The following ACOXL variants were observed in gnomAD, a reference collection of about 807,000 sequenced individuals.
The protein encoded by ACOXL is acyl-coenzyme A oxidase-like protein.
In ACOXL, 70 loss-of-function variants were observed where a neutral mutation model predicts 71.9. The ratio of observed to expected loss-of-function variants is 0.97; its 90% CI spans 0.80 to 1.19. The LOEUF (loss-of-function observed/expected upper bound fraction) is 1.19. Among genes scored for constraint, ACOXL ranks in the 50% most tolerant of loss-of-function variants. The probability of loss-of-function intolerance (pLI) is 0.00; values close to 1 mark genes in which losing one functional copy is unlikely to be tolerated. For missense variants in ACOXL, 703 were observed against 736.3 expected, an observed-to-expected ratio of 0.95 and a Z score of 0.52; for synonymous variants, 253 against 281.6, an observed-to-expected ratio of 0.90 and a Z score of 1.02.
intron 17 of ACOXL, chr2:111,093,568 A>G (rs1226748392): frequency 6.2e-7 from 1 of 1,609,766 alleles, no homozygotes; most frequent in African/African-American, 1.3e-5. Context: ...AAACCACTTT[A>G]AAAACATAAA....
At chr2:110,746,247 C>T (rs1415954590) in intron 1 of ACOXL, among the ~76,000 whole-genome samples, 1 of 152,138 alleles carries the variant, frequency 6.6e-6, no homozygotes, top group Non-Finnish European at 1.5e-5. Context: ...GGAACATATG[C>T]AAACCTCTGT....
intron 11 of ACOXL, among the ~76,000 whole-genome samples, chr2:110,910,184 A>G (rs1410170843): frequency 6.6e-6 from 1 of 152,168 alleles, no homozygotes; most frequent in Non-Finnish European, 1.5e-5. Flanking sequence ...TCTGATTTCT[A>G]TTCCCAATAG....
intron 11 of ACOXL, among the ~76,000 whole-genome samples, chr2:110,916,983 G>C (rs2059885500): frequency 6.6e-6 from 1 of 152,210 alleles, no homozygotes; most frequent in African/African-American, 2.4e-5. Context: ...GAGGTACAAA[G>C]AGGCGCTGGT....
intron 10 of ACOXL, among the ~76,000 whole-genome samples, chr2:110,852,685 G>A (rs1185821276): frequency 6.6e-6 from 1 of 152,230 alleles, no homozygotes; most frequent in Admixed American, 6.5e-5. Flanking sequence ...TGGAGGGGCA[G>A]CACAAACCCT....
At chr2:110,937,749 AAT>A (rs2060718095) in intron 12 of ACOXL, among the ~76,000 whole-genome samples, 1 of 152,158 alleles carries the variant, frequency 6.6e-6, no homozygotes, top group Admixed American at 6.5e-5. Context: ...GCTTCAAAAA[AAT>A]ATATTTCAAC....
At chr2:110,768,734 A>G (rs756711411) in intron 2 of ACOXL, among the ~76,000 whole-genome samples, 22 of 151,992 alleles carry the variant, frequency 1.4e-4, no homozygotes, top group African/African-American at 2.4e-4. Context: ...CGCCGCGCCT[A>G]TTGATTTCTT....
chr2:111,061,371 GT>G (rs781209662), intron 16 of ACOXL, among the ~76,000 whole-genome samples: 11 of 152,110 alleles, frequency 7.2e-5, no homozygotes, highest in Non-Finnish European at 1.0e-4. Context: ...CATTTTTAAA[GT>G]GTTAGAAAAA....
intron 16 of ACOXL, among the ~76,000 whole-genome samples, chr2:111,066,887 A>G (rs1233539000): frequency 1.3e-5 from 2 of 152,186 alleles, no homozygotes; most frequent in Non-Finnish European, 2.9e-5. Flanking sequence ...TATACATAAA[A>G]CAAGACACAA....
chr2:111,041,438 G>A (rs2065777468), intron 15 of ACOXL, among the ~76,000 whole-genome samples: 1 of 152,192 alleles, frequency 6.6e-6, no homozygotes, highest in Non-Finnish European at 1.5e-5. Flanking sequence ...AGTGGTGGTT[G>A]TGATGGCCTC....
At chr2:110,952,937 T>A (rs557625533) in intron 12 of ACOXL, among the ~76,000 whole-genome samples, 1 of 152,384 alleles carries the variant, frequency 6.6e-6, no homozygotes, top group South Asian at 2.1e-4. Flanking sequence ...TTATTGATTC[T>A]AAATTTATTT....
At chr2:110,769,266 A>AAAG (rs1681559158) in intron 2 of ACOXL, among the ~76,000 whole-genome samples, 9 of 146,168 alleles carry the variant, frequency 6.2e-5, no homozygotes, top group African/African-American at 2.1e-4. Context: ...AAGAAAGAAA[A>AAAG]AAATACATGA....
chr2:111,001,353 C>T (rs1215067119), intron 14 of ACOXL, among the ~76,000 whole-genome samples: 2 of 151,892 alleles, frequency 1.3e-5, no homozygotes, highest in Non-Finnish European at 2.9e-5. Flanking sequence ...ATGAATAGAG[C>T]CACTAAGCTT....
intron 3 of ACOXL, among the ~76,000 whole-genome samples, chr2:110,793,235 T>G (rs1239380990): frequency 2.0e-5 from 3 of 152,188 alleles, no homozygotes; most frequent in Non-Finnish European, 2.9e-5. Context: ...TCCACCTTCC[T>G]GTAAGGAAAC....
chr2:110,831,790 G>C (rs1358400816), intron 9 of ACOXL, among the ~76,000 whole-genome samples: 1 of 152,142 alleles, frequency 6.6e-6, no homozygotes, highest in Non-Finnish European at 1.5e-5. Flanking sequence ...ATTGCCCGTT[G>C]ATTCTTTACA....
At chr2:111,117,474 C>G (rs2070443542) in intron 17 of ACOXL, 142 bp from the exon 18 acceptor site, 1 of 852,886 alleles carries the variant, frequency 1.2e-6, no homozygotes, top group South Asian at 1.6e-5. Flanking sequence ...TCATGGCCAA[C>G]AGTTTCCACA....
intron 3 of ACOXL, among the ~76,000 whole-genome samples, chr2:110,790,926 TCTC>T (rs1321729933): frequency 2.0e-5 from 3 of 152,150 alleles, no homozygotes; most frequent in Admixed American, 6.5e-5. Context: ...TCTTTTTCCT[TCTC>T]CTCCCAAATC....
At chr2:110,780,582 T>G (rs1385275285) in intron 2 of ACOXL, among the ~76,000 whole-genome samples, 1 of 152,230 alleles carries the variant, frequency 6.6e-6, no homozygotes, top group Non-Finnish European at 1.5e-5. Flanking sequence ...TATAAACTAT[T>G]CATAGATGGA....
intron 16 of ACOXL, among the ~76,000 whole-genome samples, chr2:111,061,900 G>GATTC (rs2066835172): frequency 2.0e-5 from 3 of 151,924 alleles, no homozygotes; most frequent in African/African-American, 7.2e-5. Context: ...CCCAAGTCAT[G>GATTC]CATGGTAAGC....
chr2:110,865,998 T>C (rs1477965999), intron 10 of ACOXL, among the ~76,000 whole-genome samples: 1 of 152,184 alleles, frequency 6.6e-6, no homozygotes, highest in African/African-American at 2.4e-5. Context: ...CAAAATAAAA[T>C]ACACTTTTAT....
Sources: gnomAD v4.1 joint callset for allele counts (sites outside exome capture counted in the v4.1 genomes callset) on GRCh38, gnomAD v4.1.1 for gene constraint, MANE v1.5 for transcripts, NCBI Gene and HGNC (gene_info 2026-07-23, HGNC 2026-07-21) for gene names.